Variants in PPP4C observed in about 807,000 individuals in gnomAD.
PPP4C encodes the protein protein phosphatase 4 catalytic subunit, also known as serine/threonine-protein phosphatase 4 catalytic subunit.
Under a neutral mutation model 40.5 loss-of-function variants are expected in PPP4C, and 10 were observed. The ratio of observed to expected loss-of-function variants is 0.25; its 90% CI spans 0.15 to 0.42. The LOEUF is 0.42. PPP4C is among the 10% of genes least tolerant of loss of function. PPP4C has a pLI of 1.00. For synonymous variants in PPP4C, 187 were observed against 163.6 expected (o/e 1.14, Z -1.09); for missense variants, 191 against 416.4 (o/e 0.46, Z 4.71).
In PPP4C at chr16:30,084,721, C is replaced by T. The variant is rs559521168; in HGVS notation, c.660C>T (p.Asp220=). ...GAGCCGGCTACCTATTTGGCAGTGA[C>T]GTGGTGGCCCAGTTCAACGCAGCCA... The part of the protein sequence containing the change: ...PRGAGYLFGS[D]VVAQFNAAND... Residue 220 remains aspartate, a synonymous_variant, in exon 8 of 9, where the codon GAC becomes GAT. Coordinates refer to ENST00000279387, the MANE Select transcript of PPP4C (RefSeq NM_002720.3). 1.3e-4 allele frequency: 216 copies of T among 1,614,270 alleles called. No individual in the cohort carries two copies. The highest frequency in any genetic ancestry group is 3.3e-4 in the Middle Eastern group (2 of 6,062).
rs1006784436 is a variant in PPP4C at position 30,076,033 on chromosome 16, C to G, written c.-125C>G. ...CGGCGGCGGCGGCGGCGGCGGCGGTCGAAAGCGGAGTGAAAGAGGGAGGCA... is the reference window on the plus strand; with the variant it reads ...CGGCGGCGGCGGCGGCGGCGGCGGTGGAAAGCGGAGTGAAAGAGGGAGGCA... On this transcript the variant is annotated 5_prime_UTR_variant, in exon 1 of 9. Coordinates refer to ENST00000279387, the MANE Select transcript of PPP4C (RefSeq NM_002720.3). 3 of 388,934 alleles carry G rather than the reference C, an allele frequency of 7.7e-6. No individual in the cohort carries two copies. Among genetic ancestry groups the G allele is most frequent in the Non-Finnish European group, 1.4e-5 (3 of 215,368 alleles). 24.1% of individuals were successfully genotyped at this position (388,934 alleles called of 1,614,324 possible). A position where few individuals can be genotyped will look rare whatever the true frequency, so the allele number is the denominator to read the frequency against.
At chr16:30,076,522 G>A (rs781049451) in intron 2 of PPP4C, 47 bp downstream of exon 2, 8 of 1,552,992 alleles carry the variant, frequency 5.2e-6, no homozygotes, top group Non-Finnish European at 7.0e-6. Context: ...GCCGCCCACG[G>A]GTTCTGGCCT....
In PPP4C at chr16:30,082,772, C is replaced by G; in HGVS notation, c.228C>G (p.Asn76Lys). 1 of 1,614,108 alleles carries G rather than the reference C, an allele frequency of 6.2e-7. No homozygotes were observed. Among genetic ancestry groups the G allele is most frequent in the Non-Finnish European group, 8.5e-7 (1 of 1,180,004 alleles). ...TAGGTGGCGACGTCCCTGAGACCAA[C>G]TACCTCTTCATGGGGGACTTTGTGG... ...FRVGGDVPET[N>K]YLFMGDFVDR... is the part of the protein sequence containing the mutation. The change falls in exon 5 of 9, where the codon AAC becomes AAG. Residue 76 changes from asparagine to lysine, a missense_variant. Physicochemically the swap from Asn to Lys is moderately conservative, Grantham distance 94. This residue lies in a region of PPP4C where 171 missense variants were observed against 352.4 expected (regional missense o/e 0.49). Coordinates refer to ENST00000279387, the MANE Select transcript of PPP4C (RefSeq NM_002720.3).
chr16:30,083,244 T>C lies in PPP4C; in HGVS notation c.304-150T>C, dbSNP rs1170936193. ...GGAGGGGTCGTGTGGGCCTGGGAGGTGGCTGATGCCACACGATTCAGGCAA... is the reference window on the plus strand; with the variant it reads ...GGAGGGGTCGTGTGGGCCTGGGAGGCGGCTGATGCCACACGATTCAGGCAA... On this transcript the variant is annotated intron_variant, in intron 5 of 8. Coordinates refer to ENST00000279387, the MANE Select transcript of PPP4C (RefSeq NM_002720.3). The surrounding 1 kb of genome is among the most constrained non-coding windows in gnomAD (Gnocchi z 6.3). 5.7e-6 allele frequency: 5 copies of C among 872,282 alleles called. No individual in the cohort carries two copies. The Admixed American group carries it at 1.1e-4, about 19-fold the overall frequency. 54.0% of individuals were successfully genotyped at this position (872,282 alleles called of 1,614,324 possible).
intron 2 of PPP4C, among the ~76,000 whole-genome samples, chr16:30,077,904 C>T (rs896746967): frequency 1.3e-5 from 2 of 152,196 alleles, no homozygotes; most frequent in Admixed American, 1.3e-4. Flanking sequence ...ACATAGACTA[C>T]CTGCAGCCAG....
intron 2 of PPP4C, among the ~76,000 whole-genome samples, chr16:30,077,777 G>C (rs187261015): frequency 6.6e-6 from 1 of 152,162 alleles, no homozygotes; most frequent in Non-Finnish European, 1.5e-5. Context: ...GCATTTTATC[G>C]AATAGGAAGC....
intron 2 of PPP4C, among the ~76,000 whole-genome samples, chr16:30,077,206 C>G (rs144426733): frequency 2.6e-5 from 4 of 151,958 alleles, no homozygotes; most frequent in Admixed American, 6.6e-5. Flanking sequence ...TGAACTCTGC[C>G]GCTTTCTAGC....
At chr16:30,082,701 T>G (rs2072534045) in intron 4 of PPP4C, 45 bp from the exon 5 acceptor site, 1 of 1,569,862 alleles carries the variant, frequency 6.4e-7, no homozygotes, top group South Asian at 1.1e-5. Flanking sequence ...AGGTAGGGGG[T>G]AGGGGACTGT....
chr16:30,082,754 C>T lies in PPP4C; in HGVS notation c.210C>T (p.Gly70=), dbSNP rs761486272. 1.3e-5 allele frequency: 21 copies of T among 1,613,368 alleles called. No homozygotes were observed. Among genetic ancestry groups the T allele is most frequent in the East Asian group, 4.5e-5 (2 of 44,890 alleles). Residue 70 remains glycine, a synonymous_variant, in exon 5 of 9, where the codon GGC becomes GGT. Coordinates refer to ENST00000279387, the MANE Select transcript of PPP4C (RefSeq NM_002720.3). ...TTTCTACTTCCCCACAGGTAGGTGG[C>T]GACGTCCCTGAGACCAACTACCTCT... ...YDLKELFRVG[G]DVPETNYLFM...
At position 30,083,636 on chromosome 16, in the gene PPP4C, TCCCTGCTCTC is replaced by T; in HGVS notation, c.478-13_478-4del. ...CTTCAGGCCTCAGCCCCGTCCTCTT[TCCCTGCTCTC>T]CCCTGTAGATCTTCTGCGTGCACGG... On this transcript the variant is annotated splice_polypyrimidine_tract_variant and intron_variant, in intron 6 of 8. Transcript: ENST00000279387. The surrounding 1 kb of genome is among the most constrained non-coding windows in gnomAD (Gnocchi z 6.3). 6.2e-7 allele frequency: 1 copy of T among 1,614,134 alleles called. No individual in the cohort carries two copies. The highest frequency in any genetic ancestry group is 8.5e-7 in the Non-Finnish European group (1 of 1,180,012).
chr16:30,082,415 G>T, intron 3 of PPP4C, 69 bp from the exon 4 acceptor site: 1 of 1,464,290 alleles, frequency 6.8e-7, no homozygotes, highest in Non-Finnish European at 9.6e-7. Flanking sequence ...TAAAGCAGCG[G>T]GTGTTTGGAG....
Position 30,085,088 on chromosome 16 carries a change from A to G in PPP4C, c.*26A>G, listed in dbSNP as rs1023685016. The G allele has an allele frequency of 1.9e-6, 3 of 1,609,632 alleles. No homozygotes were observed. The highest frequency in any genetic ancestry group is 1.9e-4 in the Middle Eastern group (1 of 5,306). ...CCCCGCCCGGCCCCTGCCCCCTCCA[A>G]CCCTTCTGGCCCTCGCACCACTGTG... is the stretch of plus-strand genomic sequence containing the variant. On this transcript the variant is annotated 3_prime_UTR_variant, in exon 9 of 9. Transcript: ENST00000279387.
chr16:30,081,358 A>G (rs1366735632), intron 3 of PPP4C, 48 bp downstream of exon 3: 4 of 1,520,382 alleles, frequency 2.6e-6, no homozygotes, highest in Non-Finnish European at 2.7e-6. Context: ...TTTCAGGCAC[A>G]TGAAGTTTCC....
chr16:30,084,896 G>T lies in PPP4C; in HGVS notation c.795-37G>T, dbSNP rs771564602. 21 of 1,613,766 alleles carry T rather than the reference G, an allele frequency of 1.3e-5. No individual in the cohort carries two copies. In the South Asian group the frequency reaches 2.2e-4, roughly 17 times the overall value. On this transcript the variant is annotated intron_variant, in intron 8 of 8. Coordinates refer to ENST00000279387, the MANE Select transcript of PPP4C (RefSeq NM_002720.3). The stretch of plus-strand genomic sequence containing the variant: ...CGGGCTGGGATGGGCGGGCATCTGA[G>T]CCGAGCTGCTCCTGACCCTGCTGCC...
At position 30,083,615 on chromosome 16, in the gene PPP4C, A is replaced by C. The variant is rs535924881; in HGVS notation, c.478-40A>C. The C allele has an allele frequency of 6.2e-7, 1 of 1,613,840 alleles. No homozygotes were observed. The highest frequency in any genetic ancestry group is 1.1e-5 in the South Asian group (1 of 91,082). On this transcript the variant is annotated intron_variant, in intron 6 of 8. Coordinates refer to ENST00000279387, the MANE Select transcript of PPP4C (RefSeq NM_002720.3). This position sits in a 1 kb window ranked among gnomAD's most constrained non-coding sequence, Gnocchi z 6.3. The stretch of plus-strand genomic sequence containing the variant: ...GGGACAGGGAGAGGAGGGGGGCTTC[A>C]GGCCTCAGCCCCGTCCTCTTTCCCT...
intron 2 of PPP4C, among the ~76,000 whole-genome samples, chr16:30,080,190 C>A (rs1433912410): frequency 1.3e-5 from 2 of 151,558 alleles, no homozygotes; most frequent in Non-Finnish European, 2.9e-5. Flanking sequence ...ACTAAAAATA[C>A]AAAAATTAGC....
At position 30,076,330 on chromosome 16, in the gene PPP4C, TG is replaced by T. The variant is rs1160218091; in HGVS notation, c.-47del. The T allele has an allele frequency of 1.3e-6, 2 of 1,583,170 alleles. No homozygotes were observed. The highest frequency in any genetic ancestry group is 1.4e-5 in the African/African-American group (1 of 73,988). On this transcript the variant is annotated 5_prime_UTR_variant, in exon 2 of 9. Transcript: ENST00000279387. ...CCTTTCCCAGGAGACCCCTGTGCGG[TG>T]CGGAGGGGGCGGCGGCCCCGACTCT...
At chr16:30,076,137 GA>G (rs1596824407) in intron 1 of PPP4C, 43 bp downstream of exon 1, 1 of 569,458 alleles carries the variant, frequency 1.8e-6, no homozygotes, top group Non-Finnish European at 3.1e-6. Flanking sequence ...CTTAGCGCGG[GA>G]CCGCGGGGTT....
At chr16:30,082,931 C>A (rs780976734) in intron 5 of PPP4C, 84 bp downstream of exon 5, 1 of 1,172,594 alleles carries the variant, frequency 8.5e-7, no homozygotes. Context: ...CATCTCCTAT[C>A]GTGACCAGCC....
Sources: gnomAD v4.1 joint callset for allele counts (sites outside exome capture counted in the v4.1 genomes callset) on GRCh38, gnomAD v4.1.1 for gene constraint, gnomAD v4.1.1 regional missense constraint, Gnocchi (gnomAD v3.1) non-coding constraint, MANE v1.5 for transcripts, NCBI Gene and HGNC (gene_info 2026-07-23, HGNC 2026-07-21) for gene names.